The following OLA1 variants were observed in gnomAD, a reference collection of about 807,000 sequenced individuals.
OLA1 encodes the protein Obg like ATPase 1.
In OLA1, 14 loss-of-function variants were observed where a neutral mutation model predicts 48.4. The observed-to-expected ratio is 0.29, with a 90% CI of 0.19 to 0.45. OLA1 has a LOEUF of 0.45. Among genes scored for constraint, OLA1 ranks in the 20% least tolerant of loss-of-function variants. The pLI is 1.00. For missense variants in OLA1, 325 were observed against 467.1 expected (o/e 0.70, Z 2.80); for synonymous variants, 127 against 150.4 (o/e 0.84, Z 1.14).
intron 7 of OLA1, among the ~76,000 whole-genome samples, chr2:174,097,270 A>G (rs1030883155): frequency 2.6e-5 from 4 of 152,250 alleles, no homozygotes. Flanking sequence ...ATTCAAGCAC[A>G]ATGACTGGAA....
At chr2:174,180,219 T>A (rs1319153455) in intron 4 of OLA1, among the ~76,000 whole-genome samples, 1 of 152,128 alleles carries the variant, frequency 6.6e-6, no homozygotes, top group Non-Finnish European at 1.5e-5. Flanking sequence ...TTATAAATAT[T>A]ATATTTATGT....
chr2:174,083,965 T>C (rs1365679455), intron 7 of OLA1, among the ~76,000 whole-genome samples: 1 of 152,216 alleles, frequency 6.6e-6, no homozygotes, highest in Middle Eastern at 3.2e-3. Context: ...AGTCCTACCC[T>C]GTCATTTTAA....
chr2:174,136,260 T>C (rs145650201), intron 5 of OLA1, among the ~76,000 whole-genome samples: 5 of 152,194 alleles, frequency 3.3e-5, no homozygotes, highest in African/African-American at 4.8e-5. Context: ...TGCTATTTCA[T>C]AGCATTTTAC....
intron 4 of OLA1, among the ~76,000 whole-genome samples, chr2:174,147,384 GCCACTGCACT>G (rs1402985113): frequency 1.3e-5 from 2 of 152,006 alleles, no homozygotes; most frequent in Non-Finnish European, 2.9e-5. Flanking sequence ...CCGAGATCGT[GCCACTGCACT>G]CCAGCCTGGG....
chr2:174,097,111 G>A (rs538255164), intron 7 of OLA1, among the ~76,000 whole-genome samples: 58 of 152,176 alleles, frequency 3.8e-4, no homozygotes, highest in African/African-American at 1.3e-3. Flanking sequence ...AGCCGAGATC[G>A]CACCACTACA....
chr2:174,194,308 C>G (rs1296307659), intron 4 of OLA1, among the ~76,000 whole-genome samples: 2 of 152,196 alleles, frequency 1.3e-5, no homozygotes, highest in Non-Finnish European at 2.9e-5. Flanking sequence ...TCACGGACAT[C>G]ACAAATTCTT....
Position 174,142,003 on chromosome 2 carries a change from A to C in OLA1, c.374-3T>G. Reference sequence around the variant, plus strand: ...GATATCATCATCTTCAAAAGCACCTAAAATGAATTAAAGGGAAGCAATTCA... The same window carrying C: ...GATATCATCATCTTCAAAAGCACCTCAAATGAATTAAAGGGAAGCAATTCA... On this transcript the variant is annotated splice_polypyrimidine_tract_variant and splice_region_variant and intron_variant, in intron 4 of 10. Transcript: ENST00000284719. 2 of 1,612,564 alleles carry C rather than the reference A, an allele frequency of 1.2e-6. No individual in the cohort carries two copies. Among genetic ancestry groups the C allele is most frequent in the Non-Finnish European group, 1.7e-6 (2 of 1,179,144 alleles).
intron 2 of OLA1, among the ~76,000 whole-genome samples, chr2:174,245,297 A>C (rs1689102053): frequency 6.6e-6 from 1 of 152,214 alleles, no homozygotes; most frequent in Admixed American, 6.5e-5. Context: ...CCCCTTCAAA[A>C]TGAAAACCTC....
intron 7 of OLA1, among the ~76,000 whole-genome samples, chr2:174,112,074 T>A (rs1194119609): frequency 6.6e-6 from 1 of 152,234 alleles, no homozygotes; most frequent in Non-Finnish European, 1.5e-5. Context: ...GATTTTATAG[T>A]GCATGAACTG....
intron 7 of OLA1, among the ~76,000 whole-genome samples, chr2:174,113,364 G>C (rs1279623392): frequency 6.6e-6 from 1 of 152,022 alleles, no homozygotes; most frequent in South Asian, 2.1e-4. Flanking sequence ...GGTTTATTCT[G>C]TACCACTATT....
At chr2:174,189,874 AAAAC>A (rs1194815031) in intron 4 of OLA1, among the ~76,000 whole-genome samples, 2,982 of 134,244 alleles carry the variant, frequency 0.022, 101 homozygotes, top group African/African-American at 0.077. Context: ...AAAAAAAAAA[AAAAC>A]AAAACACACA....
At chr2:174,200,676 T>C (rs1473685051) in intron 4 of OLA1, among the ~76,000 whole-genome samples, 1 of 152,156 alleles carries the variant, frequency 6.6e-6, no homozygotes, top group Admixed American at 6.5e-5. Context: ...AATCAGAAGG[T>C]ATCATTATCT....
intron 2 of OLA1, among the ~76,000 whole-genome samples, chr2:174,238,052 T>C (rs996715818): frequency 2.6e-5 from 4 of 152,208 alleles, no homozygotes; most frequent in Admixed American, 2.0e-4. Flanking sequence ...TTGTCTGTAA[T>C]AGGCATCCCA....
intron 7 of OLA1, among the ~76,000 whole-genome samples, chr2:174,093,374 G>A (rs1685170818): frequency 6.6e-6 from 1 of 151,846 alleles, no homozygotes; most frequent in South Asian, 2.1e-4. Context: ...AGGTTGAGGT[G>A]GGAGGATCAC....
intron 7 of OLA1, among the ~76,000 whole-genome samples, chr2:174,108,695 T>G (rs1685568575): frequency 2.6e-5 from 4 of 152,162 alleles, no homozygotes. Flanking sequence ...CAGCTTAATG[T>G]GTACCACATG....
chr2:174,072,797 G>T lies in OLA1; in HGVS notation c.*2629C>A, dbSNP rs759378416. ...GGGACTTATTCCACCAATGAAACTG[G>T]CAAGTTATAAGTGAACAGAGGCTTC... is the stretch of plus-strand genomic sequence containing the variant. On this transcript the variant is annotated 3_prime_UTR_variant, in exon 11 of 11. Transcript: ENST00000284719. The T allele has an allele frequency of 6.6e-6, 1 of 152,130 alleles. No individual in the cohort carries two copies. The highest frequency in any genetic ancestry group is 2.4e-5 in the African/African-American group (1 of 41,420). 9.4% of individuals were successfully genotyped at this position (152,130 alleles called of 1,614,324 possible).
At chr2:174,184,759 TG>T (rs1687616096) in intron 4 of OLA1, among the ~76,000 whole-genome samples, 1 of 152,160 alleles carries the variant, frequency 6.6e-6, no homozygotes, top group African/African-American at 2.4e-5. Flanking sequence ...TCTGTAAATC[TG>T]ACACTGTTCC....
Position 174,192,176 on chromosome 2 carries a change from C to T in OLA1, c.373+30857G>A, listed in dbSNP as rs116697099. On this transcript the variant is annotated intron_variant, in intron 4 of 10. Coordinates refer to ENST00000284719, the MANE Select transcript of OLA1 (RefSeq NM_013341.5). ...CCAAAGGTTTACAATATACATTTTTCATTAATCTGAGTCCACCTTTAAGTG... is the reference window on the plus strand; with the variant it reads ...CCAAAGGTTTACAATATACATTTTTTATTAATCTGAGTCCACCTTTAAGTG... Among the ~76,000 whole-genome samples, 391 of 152,216 alleles carry T rather than the reference C, an allele frequency of 2.6e-3. 3 individuals carry two copies. The highest frequency in any genetic ancestry group is 8.3e-3 in the African/African-American group (346 of 41,532).
intron 2 of OLA1, among the ~76,000 whole-genome samples, chr2:174,235,876 G>A (rs1299206943): frequency 6.6e-6 from 1 of 152,140 alleles, no homozygotes; most frequent in South Asian, 2.1e-4. Context: ...GGGCTCACAT[G>A]GAGATTGGAA....
Sources: allele counts gnomAD v4.1 joint callset (sites outside exome capture counted in the v4.1 genomes callset), GRCh38; gene constraint gnomAD v4.1.1; transcripts MANE v1.5; gene names NCBI Gene and HGNC (gene_info 2026-07-23, HGNC 2026-07-21).